AFF3: variants seen among roughly 807,000 people sequenced by gnomAD.
AFF3 encodes ALF transcription elongation factor 3.
Under a neutral mutation model 129.7 loss-of-function variants are expected in AFF3, and 32 were observed. The observed-to-expected ratio is 0.25, with a 90% CI of 0.19 to 0.33. The LOEUF (loss-of-function observed/expected upper bound fraction) is 0.33. AFF3 is among the 10% of genes least tolerant of loss of function. The pLI is 1.00. For missense variants in AFF3, 1,373 were observed against 1,592.0 expected (o/e 0.86, Z 2.34); for synonymous variants, 644 against 635.4 (o/e 1.01, Z -0.20).
At chr2:99,715,814 G>C (rs1417194512) in intron 11 of AFF3, among the ~76,000 whole-genome samples, 1 of 151,966 alleles carries the variant, frequency 6.6e-6, no homozygotes, top group African/African-American at 2.4e-5. Context: ...TGGGACTACA[G>C]GTACATGCCA....
At chr2:99,558,791 A>T (rs1675194384) in intron 22 of AFF3, 84 bp downstream of exon 22, 1 of 1,344,168 alleles carries the variant, frequency 7.4e-7, no homozygotes, top group East Asian at 2.4e-5. Flanking sequence ...ACCCCAAAGC[A>T]ATGGAGTCTA....
intron 7 of AFF3, among the ~76,000 whole-genome samples, chr2:99,971,212 C>T (rs889581863): frequency 6.6e-6 from 1 of 152,150 alleles, no homozygotes; most frequent in African/African-American, 2.4e-5. Flanking sequence ...CATTCTTGCC[C>T]GTCCAGTTCC....
intron 13 of AFF3, among the ~76,000 whole-genome samples, chr2:99,646,895 A>G (rs1370308388): frequency 1.3e-5 from 2 of 152,246 alleles, no homozygotes; most frequent in Non-Finnish European, 2.9e-5. Flanking sequence ...CCATCTTGAA[A>G]TGGTTACAAA....
chr2:99,845,618 T>C (rs1401399926), intron 7 of AFF3, among the ~76,000 whole-genome samples: 4 of 152,112 alleles, frequency 2.6e-5, no homozygotes, highest in Non-Finnish European at 1.5e-5. Flanking sequence ...ACTTGCAACT[T>C]GACATTGATA....
chr2:100,014,114 T>C (rs1296732997), intron 4 of AFF3, among the ~76,000 whole-genome samples: 4 of 151,494 alleles, frequency 2.6e-5, no homozygotes, highest in African/African-American at 9.7e-5. Flanking sequence ...TCTGATGAAA[T>C]GCAGTTTGCT....
intron 2 of AFF3, among the ~76,000 whole-genome samples, chr2:100,127,734 T>A (rs1692257278): frequency 6.6e-6 from 1 of 152,210 alleles, no homozygotes; most frequent in African/African-American, 2.4e-5. Flanking sequence ...CAGAAAACAG[T>A]TCTTCACGGA....
rs556262879 is a variant in AFF3 at position 100,091,032 on chromosome 2, A to G, written c.53+13370T>C. 2.6e-4 allele frequency among the ~76,000 whole-genome samples: 40 copies of G among 152,208 alleles called. No individual in the cohort carries two copies. In the East Asian group the frequency reaches 6.8e-3, roughly 26 times the overall value. ...AAGGTCGCATGGGACCTCAGTACTC[A>G]TGCCCTCTGATTCTGTCATTAAGAG... On this transcript the variant is annotated intron_variant, in intron 4 of 24. Coordinates refer to ENST00000672756, the MANE Select transcript of AFF3 (RefSeq NM_001386135.1).
At chr2:99,591,105 A>C (rs139994843) in intron 15 of AFF3, among the ~76,000 whole-genome samples, 2 of 152,172 alleles carry the variant, frequency 1.3e-5, no homozygotes, top group African/African-American at 2.4e-5. Context: ...AAGGGCTTCA[A>C]ATTCTACTTT....
intron 13 of AFF3, among the ~76,000 whole-genome samples, chr2:99,602,512 G>A (rs966312538): frequency 6.6e-6 from 1 of 152,130 alleles, no homozygotes; most frequent in African/African-American, 2.4e-5. Context: ...CACCCAGAAA[G>A]TGTTTGAGCA....
chr2:99,636,950 G>A (rs573654505), intron 13 of AFF3, among the ~76,000 whole-genome samples: 2 of 152,324 alleles, frequency 1.3e-5, no homozygotes, highest in East Asian at 3.9e-4. Flanking sequence ...GGAGGTGAGG[G>A]CAGGCCCTGT....
chr2:99,752,311 G>A lies in AFF3; in HGVS notation c.922-10C>T, dbSNP rs375699369. 1,004 of 1,611,360 alleles carry A rather than the reference G, an allele frequency of 6.2e-4. 22 individuals are homozygous for A. The South Asian group carries it at 0.01, about 17-fold the overall frequency. On this transcript the variant is annotated splice_polypyrimidine_tract_variant and intron_variant, in intron 8 of 24. Coordinates refer to ENST00000672756, the MANE Select transcript of AFF3 (RefSeq NM_001386135.1). ...GAAGCCAGGTCATCTCCTGAAGGAC[G>A]GGATAAAAACAAACAATATTGTGAT... is the stretch of plus-strand genomic sequence containing the variant.
chr2:100,050,603 A>G (rs1348106846), intron 4 of AFF3, among the ~76,000 whole-genome samples: 1 of 152,176 alleles, frequency 6.6e-6, no homozygotes, highest in East Asian at 1.9e-4. Context: ...CAATTTTAAG[A>G]TCCTTACTAT....
intron 8 of AFF3, among the ~76,000 whole-genome samples, chr2:99,768,909 T>C (rs1325100658): frequency 6.6e-6 from 1 of 152,224 alleles, no homozygotes; most frequent in African/African-American, 2.4e-5. Flanking sequence ...TTTTCTCTTG[T>C]TGCTTTTAGG....
chr2:99,970,511 A>C (rs1678251278), intron 7 of AFF3, among the ~76,000 whole-genome samples: 1 of 152,148 alleles, frequency 6.6e-6, no homozygotes, highest in Non-Finnish European at 1.5e-5. Context: ...AGCTGGCTCA[A>C]ATTCTTTATT....
intron 7 of AFF3, among the ~76,000 whole-genome samples, chr2:99,974,072 A>G (rs747393013): frequency 5.3e-5 from 8 of 152,240 alleles, no homozygotes; most frequent in Non-Finnish European, 8.8e-5. Context: ...GATGTTGAAT[A>G]TGTACAAATT....
At chr2:99,581,652 G>A (rs902052141) in intron 17 of AFF3, among the ~76,000 whole-genome samples, 3 of 151,728 alleles carry the variant, frequency 2.0e-5, no homozygotes, top group Non-Finnish European at 4.4e-5. Context: ...CTGAGTAGCT[G>A]AGATTACAGG....
chr2:100,137,988 A>G (rs1692702950), intron 1 of AFF3, among the ~76,000 whole-genome samples: 1 of 152,166 alleles, frequency 6.6e-6, no homozygotes, highest in Non-Finnish European at 1.5e-5. Flanking sequence ...TGGGGTGGCC[A>G]TCTGCCAGTT....
intron 7 of AFF3, among the ~76,000 whole-genome samples, chr2:99,981,169 C>T (rs1679364325): frequency 6.6e-6 from 1 of 152,128 alleles, no homozygotes; most frequent in Non-Finnish European, 1.5e-5. Flanking sequence ...CAGGCATGCA[C>T]CACCATGCCC....
chr2:99,594,346 A>T (rs942077335), intron 14 of AFF3, 57 bp from the exon 15 acceptor site: 2 of 1,548,070 alleles, frequency 1.3e-6, no homozygotes, highest in Non-Finnish European at 1.7e-6. Context: ...CTCACTTAAA[A>T]GGGGCCTGGC....
Sources: allele counts gnomAD v4.1 joint callset (sites outside exome capture counted in the v4.1 genomes callset), GRCh38; gene constraint gnomAD v4.1.1; transcripts MANE v1.5; gene names NCBI Gene and HGNC (gene_info 2026-07-23, HGNC 2026-07-21).